Variants in ZNF536 observed in about 807,000 individuals in gnomAD.
The protein encoded by ZNF536 is zinc finger protein 536.
ZNF536 carries 13 observed loss-of-function variants against 84.5 expected under a neutral mutation model. The ratio of observed to expected loss-of-function variants is 0.15; its 90% confidence interval spans 0.10 to 0.24. The LOEUF is 0.24. ZNF536 is among the 10% of genes least tolerant of loss of function. ZNF536 has a pLI of 1.00. For synonymous variants in ZNF536, 811 were observed against 742.5 expected (o/e 1.09, Z -1.50); for missense variants, 1,536 against 1,747.5 (o/e 0.88, Z 2.16).
chr19:30,651,380 A>G (rs1338840766), intron 1 of ZNF536, among the ~76,000 whole-genome samples: 3 of 152,344 alleles, frequency 2.0e-5, no homozygotes, highest in East Asian at 3.9e-4. Context: ...TTGTTTACCC[A>G]GCTGCTATTC....
intron 2 of ZNF536, among the ~76,000 whole-genome samples, chr19:30,522,728 G>A (rs1291205274): frequency 6.6e-6 from 1 of 152,062 alleles, no homozygotes; most frequent in Non-Finnish European, 1.5e-5. Context: ...TTGGTCCCCT[G>A]TCTTAAATTT....
chr19:30,520,212 G>C (rs201809775), intron 2 of ZNF536, among the ~76,000 whole-genome samples: 27 of 152,196 alleles, frequency 1.8e-4, no homozygotes, highest in African/African-American at 6.3e-4. Flanking sequence ...ACATTTCTTA[G>C]ATCTCATTGC....
intron 1 of ZNF536, among the ~76,000 whole-genome samples, chr19:30,415,382 CCTT>C (rs1354438995): frequency 4.7e-5 from 7 of 147,664 alleles, no homozygotes; most frequent in South Asian, 2.2e-4. Context: ...TCCTTCTTCT[CCTT>C]CTTCTTCTCC....
At chr19:30,465,871 C>T (rs562563260) in intron 2 of ZNF536, among the ~76,000 whole-genome samples, 3 of 152,164 alleles carry the variant, frequency 2.0e-5, no homozygotes, top group Non-Finnish European at 2.9e-5. Context: ...CTGTCTCAGC[C>T]TCCCGAGTAG....
chr19:30,303,342 G>A (rs1894577865), intron 2 of ZNF536, among the ~76,000 whole-genome samples: 1 of 152,214 alleles, frequency 6.6e-6, no homozygotes, highest in Non-Finnish European at 1.5e-5. Context: ...ATGTGATGGC[G>A]AGAGAGGCAG....
At chr19:30,478,478 T>C (rs1191521210) in intron 2 of ZNF536, among the ~76,000 whole-genome samples, 3 of 152,104 alleles carry the variant, frequency 2.0e-5, no homozygotes, top group Admixed American at 1.3e-4. Context: ...GTGAAGCTCA[T>C]GGGTTTTGGG....
At chr19:30,384,184 T>C (rs1245054588) in intron 1 of ZNF536, among the ~76,000 whole-genome samples, 2 of 61,824 alleles carry the variant, frequency 3.2e-5, no homozygotes, top group Non-Finnish European at 7.5e-5. Context: ...TTTCTTTCTT[T>C]CTCCTTCCTT....
At chr19:30,600,333 A>G (rs550021473) in intron 1 of ZNF536, among the ~76,000 whole-genome samples, 1 of 152,200 alleles carries the variant, frequency 6.6e-6, no homozygotes, top group East Asian at 1.9e-4. Flanking sequence ...ACCTCAAGCA[A>G]TCCATGCACC....
chr19:30,548,110 C>T lies in ZNF536; in HGVS notation c.2491C>T (p.Leu831=), dbSNP rs1461615439. The part of the protein sequence containing the change: ...HKDEMSSKAS[L]FIRPDILRGA... ...GGATGAGATGTCAAGCAAAGCTTCT[C>T]TGTTCATCAGGCCAGACATCCTGAG... Residue 831 remains leucine (L), a synonymous_variant, in exon 4 of 5, where the codon CTG becomes TTG. Coordinates refer to ENST00000355537, the MANE Select transcript of ZNF536 (RefSeq NM_014717.3). 1 of 1,613,974 alleles carries T rather than the reference C, an allele frequency of 6.2e-7. No homozygotes were observed. The highest frequency in any genetic ancestry group is 1.3e-5 in the African/African-American group (1 of 74,944).
At chr19:30,328,005 A>T (rs368990162) in intron 2 of ZNF536, among the ~76,000 whole-genome samples, 1 of 152,226 alleles carries the variant, frequency 6.6e-6, no homozygotes, top group Non-Finnish European at 1.5e-5. Flanking sequence ...CTTCTCTCAG[A>T]TAGGGTGGAA....
intron 2 of ZNF536, among the ~76,000 whole-genome samples, chr19:30,336,077 C>T (rs920461786): frequency 6.6e-6 from 1 of 152,224 alleles, no homozygotes; most frequent in Non-Finnish European, 1.5e-5. Flanking sequence ...TACAGGTAAA[C>T]AAGGGAGGAG....
At chr19:30,437,757 A>C (rs1316704016) in intron 1 of ZNF536, among the ~76,000 whole-genome samples, 2 of 152,200 alleles carry the variant, frequency 1.3e-5, no homozygotes, top group Non-Finnish European at 2.9e-5. Context: ...CAAACTCAAG[A>C]GTTTACAGTG....
chr19:30,709,424 C>T (rs886274687), intron 1 of ZNF536, among the ~76,000 whole-genome samples: 2 of 152,160 alleles, frequency 1.3e-5, no homozygotes, highest in Non-Finnish European at 1.5e-5. Context: ...TCACTCACCC[C>T]ACCCCCAAAC....
chr19:30,418,781 A>G (rs2050837166), intron 1 of ZNF536, among the ~76,000 whole-genome samples: 3 of 152,208 alleles, frequency 2.0e-5, no homozygotes, highest in Non-Finnish European at 4.4e-5. Context: ...AAATTATGCA[A>G]TTAAGATACT....
chr19:30,606,229 TAATAAAATAAAATAAAATAAAATA>T (rs1568596859), intron 1 of ZNF536, among the ~76,000 whole-genome samples: 1 of 94,164 alleles, frequency 1.1e-5, no homozygotes, highest in Non-Finnish European at 2.0e-5. Context: ...TAAAATAAAA[TAATAAAATAAAATAAAATAAAATA>T]AATAAAATAA....
intron 1 of ZNF536, among the ~76,000 whole-genome samples, chr19:30,232,296 T>A (rs936117900): frequency 1.3e-5 from 2 of 152,172 alleles, no homozygotes; most frequent in Non-Finnish European, 2.9e-5. Flanking sequence ...TTTCAACTTT[T>A]ATTTTAGCTT....
intron 1 of ZNF536, among the ~76,000 whole-genome samples, chr19:30,652,426 C>T (rs941268906): frequency 1.3e-5 from 2 of 152,042 alleles, no homozygotes; most frequent in African/African-American, 2.4e-5. Context: ...CACTAAATGT[C>T]GTGAATGGAA....
intron 2 of ZNF536, among the ~76,000 whole-genome samples, chr19:30,523,819 G>A (rs1358120076): frequency 6.6e-6 from 1 of 152,226 alleles, no homozygotes; most frequent in African/African-American, 2.4e-5. Context: ...GTGACCACAA[G>A]TGTGGTCAAT....
At chr19:30,402,218 C>T (rs2050071951) in intron 1 of ZNF536, among the ~76,000 whole-genome samples, 2 of 152,016 alleles carry the variant, frequency 1.3e-5, no homozygotes, top group African/African-American at 4.8e-5. Context: ...AAAGGATTCA[C>T]AAACTAAATT....
Sources: gnomAD v4.1 joint callset for allele counts (sites outside exome capture counted in the v4.1 genomes callset) on GRCh38, gnomAD v4.1.1 for gene constraint, MANE v1.5 for transcripts, NCBI Gene and HGNC (gene_info 2026-07-23, HGNC 2026-07-21) for gene names.